Variants in AGBL4 observed in about 807,000 individuals in gnomAD.
The protein encoded by AGBL4 is AGBL carboxypeptidase 4.
AGBL4 carries 58 observed loss-of-function variants against 66.4 expected under a neutral mutation model. The observed-to-expected ratio is 0.87, with a 90% CI of 0.71 to 1.09. The LOEUF (loss-of-function observed/expected upper bound fraction) is 1.09. AGBL4 is among the 50% of genes least tolerant of loss of function. AGBL4 has a pLI of 0.00. For synonymous variants in AGBL4, 234 were observed against 222.9 expected (o/e 1.05, Z -0.44); for missense variants, 579 against 631.0 (o/e 0.92, Z 0.88).
chr1:49,833,986 A>G (rs1645775056), intron 2 of AGBL4, among the ~76,000 whole-genome samples: 1 of 152,132 alleles, frequency 6.6e-6, no homozygotes, highest in Admixed American at 6.5e-5. Context: ...TCAGTTTGCT[A>G]GGATTTTATT....
At position 48,738,696 on chromosome 1, in the gene AGBL4, TC is replaced by T. The variant is rs576308163; in HGVS notation, c.635-75456del. Reference sequence around the variant, plus strand: ...CATTTTTCAAAAATCTCTGCTTTTTTCCCCCACCACTGATCCTTGCTTTCCT... The same window carrying T: ...CATTTTTCAAAAATCTCTGCTTTTTTCCCCACCACTGATCCTTGCTTTCCT... On this transcript the variant is annotated intron_variant, in intron 6 of 13. Transcript: ENST00000371839. Among the ~76,000 whole-genome samples the T allele has an allele frequency of 6.6e-5, 10 of 152,308 alleles. No individual in the cohort carries two copies. The East Asian group carries it at 1.7e-3, about 26-fold the overall frequency.
At chr1:49,958,982 T>C (rs1374341306) in intron 1 of AGBL4, among the ~76,000 whole-genome samples, 3 of 151,112 alleles carry the variant, frequency 2.0e-5, no homozygotes, top group Non-Finnish European at 3.0e-5. Context: ...ACTTAACAAA[T>C]TCTAACAGTC....
intron 1 of AGBL4, among the ~76,000 whole-genome samples, chr1:49,881,823 C>A (rs971493114): frequency 6.6e-6 from 1 of 151,526 alleles, no homozygotes; most frequent in African/African-American, 2.4e-5. Flanking sequence ...AAAATTTTCT[C>A]CCATTTTGTG....
chr1:49,201,162 A>G (rs1032832580), intron 4 of AGBL4, among the ~76,000 whole-genome samples: 7 of 152,152 alleles, frequency 4.6e-5, no homozygotes, highest in African/African-American at 1.7e-4. Context: ...CACCATCTCC[A>G]TTCTCACTTT....
intron 3 of AGBL4, among the ~76,000 whole-genome samples, chr1:49,266,573 G>A (rs1284153200): frequency 1.3e-5 from 2 of 151,298 alleles, no homozygotes; most frequent in Non-Finnish European, 1.5e-5. Flanking sequence ...AATAAGACTG[G>A]GCCCTTTGCC....
intron 3 of AGBL4, among the ~76,000 whole-genome samples, chr1:49,656,156 A>G (rs1328443557): frequency 6.6e-6 from 1 of 152,142 alleles, no homozygotes; most frequent in African/African-American, 2.4e-5. Flanking sequence ...CAAAAAAAAA[A>G]AAAATGATAA....
At chr1:49,416,579 G>T (rs1404091671) in intron 3 of AGBL4, among the ~76,000 whole-genome samples, 1 of 152,124 alleles carries the variant, frequency 6.6e-6, no homozygotes, top group Admixed American at 6.5e-5. Flanking sequence ...TAAGAGTTTA[G>T]GCTGTGGAGT....
rs570713348 is a variant in AGBL4 at position 48,937,297 on chromosome 1, C to T, written c.595-70067G>A. ...GATTAGCTTTAGAGTCAGATGATGACACTTGGCTGAATTGGTGGGAGTTAT... is the reference window on the plus strand; with the variant it reads ...GATTAGCTTTAGAGTCAGATGATGATACTTGGCTGAATTGGTGGGAGTTAT... On this transcript the variant is annotated intron_variant, in intron 5 of 13. Coordinates refer to ENST00000371839, the MANE Select transcript of AGBL4 (RefSeq NM_032785.4). Among the ~76,000 whole-genome samples the T allele has an allele frequency of 2.5e-4, 38 of 152,302 alleles. No individual in the cohort carries two copies. In the East Asian group the frequency reaches 7.3e-3, roughly 29 times the overall value.
intron 3 of AGBL4, among the ~76,000 whole-genome samples, chr1:49,631,660 C>A (rs1056510693): frequency 5.9e-5 from 9 of 152,160 alleles, no homozygotes; most frequent in Admixed American, 5.9e-4. Context: ...AAAACCCATT[C>A]TCACTACCTG....
chr1:48,737,663 C>A (rs2148581044), intron 6 of AGBL4, among the ~76,000 whole-genome samples: 1 of 152,228 alleles, frequency 6.6e-6, no homozygotes, highest in East Asian at 1.9e-4. Context: ...CCAATAAGAC[C>A]CAGAATGTTC....
At chr1:49,199,787 A>C (rs753984802) in intron 4 of AGBL4, among the ~76,000 whole-genome samples, 14 of 152,164 alleles carry the variant, frequency 9.2e-5, no homozygotes, top group Non-Finnish European at 1.5e-4. Context: ...TCTCTGATCC[A>C]GATACTGCAT....
chr1:49,500,932 T>C lies in AGBL4; in HGVS notation c.282+196381A>G, dbSNP rs12026210. Among the ~76,000 whole-genome samples, 104 of 152,218 alleles carry C rather than the reference T, an allele frequency of 6.8e-4. 2 individuals are homozygous for C. In the East Asian group the frequency reaches 0.018, roughly 27 times the overall value. On this transcript the variant is annotated intron_variant, in intron 3 of 13. Transcript: ENST00000371839. ...TGTAAAAATGATGATGGTATTTTGATGAAAGGTGCACTGAATTTGCACACT... is the reference window on the plus strand; with the variant it reads ...TGTAAAAATGATGATGGTATTTTGACGAAAGGTGCACTGAATTTGCACACT...
chr1:49,435,502 C>T (rs1356111707), intron 3 of AGBL4, among the ~76,000 whole-genome samples: 1 of 152,146 alleles, frequency 6.6e-6, no homozygotes, highest in Non-Finnish European at 1.5e-5. Flanking sequence ...GATTAGGCTC[C>T]TTCAAGTACT....
At chr1:49,433,384 T>C (rs907813638) in intron 3 of AGBL4, among the ~76,000 whole-genome samples, 11 of 152,184 alleles carry the variant, frequency 7.2e-5, no homozygotes, top group African/African-American at 2.7e-4. Flanking sequence ...AGTGTCATAA[T>C]TGAATTGAAT....
At chr1:49,364,831 A>G (rs1198067145) in intron 3 of AGBL4, among the ~76,000 whole-genome samples, 1 of 152,184 alleles carries the variant, frequency 6.6e-6, no homozygotes, top group East Asian at 1.9e-4. Context: ...AGGCAGATAA[A>G]TTAAGTAATT....
At chr1:49,075,606 G>C (rs1052357599) in intron 4 of AGBL4, among the ~76,000 whole-genome samples, 3 of 152,072 alleles carry the variant, frequency 2.0e-5, no homozygotes, top group African/African-American at 7.2e-5. Context: ...ATACTAAAGT[G>C]CCATTCTATA....
At chr1:48,758,301 A>G (rs1280148750) in intron 6 of AGBL4, among the ~76,000 whole-genome samples, 1 of 152,106 alleles carries the variant, frequency 6.6e-6, no homozygotes, top group Non-Finnish European at 1.5e-5. Flanking sequence ...CTCAAAGCAC[A>G]TTTGCATTAT....
chr1:49,798,568 T>C (rs1341306009), intron 2 of AGBL4, among the ~76,000 whole-genome samples: 1 of 152,208 alleles, frequency 6.6e-6, no homozygotes, highest in African/African-American at 2.4e-5. Flanking sequence ...TGTTGAAGAA[T>C]ATAACCGCAT....
intron 6 of AGBL4, among the ~76,000 whole-genome samples, chr1:48,806,082 T>C (rs1645916651): frequency 6.6e-6 from 1 of 152,198 alleles, no homozygotes; most frequent in African/African-American, 2.4e-5. Context: ...TGAGAATATA[T>C]TTGCAATATT....
Sources: gnomAD v4.1 joint callset for allele counts (sites outside exome capture counted in the v4.1 genomes callset) on GRCh38, gnomAD v4.1.1 for gene constraint, MANE v1.5 for transcripts, NCBI Gene and HGNC (gene_info 2026-07-23, HGNC 2026-07-21) for gene names.